ZDHHC17: variants seen among roughly 807,000 people sequenced by gnomAD.
ZDHHC17 encodes the protein zDHHC palmitoyltransferase 17.
Under a neutral mutation model 90.3 loss-of-function variants are expected in ZDHHC17, and 40 were observed. That is an observed-to-expected ratio of 0.44 (90% CI 0.34 to 0.58). The LOEUF is 0.58. ZDHHC17 is among the 20% of genes least tolerant of loss of function. The pLI is 0.01. For synonymous variants in ZDHHC17, 235 were observed against 252.4 expected, an observed-to-expected ratio of 0.93 and a Z score of 0.65; for missense variants, 614 against 780.8, an observed-to-expected ratio of 0.79 and a Z score of 2.55.
At chr12:76,780,537 C>A (rs569850449) in intron 1 of ZDHHC17, among the ~76,000 whole-genome samples, 1 of 152,158 alleles carries the variant, frequency 6.6e-6, no homozygotes, top group African/African-American at 2.4e-5. Context: ...TTCTGGCTAC[C>A]GCCCAACTTC....
intron 10 of ZDHHC17, among the ~76,000 whole-genome samples, chr12:76,832,639 G>A (rs1953317290): frequency 6.6e-6 from 1 of 152,172 alleles, no homozygotes; most frequent in Non-Finnish European, 1.5e-5. Flanking sequence ...CAGCACTATA[G>A]CTCATTCCTG....
At chr12:76,850,291 CTTTTT>C (rs945361566) in intron 16 of ZDHHC17, among the ~76,000 whole-genome samples, 11 of 152,054 alleles carry the variant, frequency 7.2e-5, no homozygotes, top group African/African-American at 1.7e-4. Flanking sequence ...CTTGACATTT[CTTTTT>C]TAAGTTGTTA....
chr12:76,764,477 G>C (rs1952406077), intron 1 of ZDHHC17, 148 bp downstream of exon 1: 1 of 725,006 alleles, frequency 1.4e-6, no homozygotes, highest in Admixed American at 2.9e-5. Flanking sequence ...GCCTGAGCGC[G>C]GCTGCGAGCG....
rs188708541 is a variant in ZDHHC17 at position 76,775,274 on chromosome 12, G to A, written c.93+10945G>A. ...ATCAAGAAAATCATCAAAACTTGTG[G>A]AATGTGTGTCAGTGGCTTGGAGAAG... On this transcript the variant is annotated intron_variant, in intron 1 of 16. Coordinates refer to ENST00000426126, the MANE Select transcript of ZDHHC17 (RefSeq NM_015336.4). Among the ~76,000 whole-genome samples the A allele has an allele frequency of 8.4e-3, 1,284 of 152,232 alleles. 24 individuals are homozygous for A. The highest frequency in any genetic ancestry group is 0.036 in the Admixed American group (553 of 15,298).
intron 6 of ZDHHC17, 41 bp from the exon 7 acceptor site, chr12:76,815,816 G>GGTT (rs777871968): frequency 1.0e-5 from 15 of 1,439,078 alleles, no homozygotes; most frequent in South Asian, 3.0e-5. Context: ...TTGAAATTAG[G>GGTT]GTTGTTGTTG....
At chr12:76,791,809 T>A (rs1952763018) in intron 1 of ZDHHC17, among the ~76,000 whole-genome samples, 1 of 152,240 alleles carries the variant, frequency 6.6e-6, no homozygotes, top group East Asian at 1.9e-4. Context: ...CATGACTCCC[T>A]CCTCAGATTT....
intron 5 of ZDHHC17, among the ~76,000 whole-genome samples, chr12:76,810,358 A>G (rs767290145): frequency 7.2e-5 from 11 of 152,134 alleles, no homozygotes; most frequent in Non-Finnish European, 1.5e-4. Flanking sequence ...TAATCACATT[A>G]AATATTACCA....
intron 13 of ZDHHC17, among the ~76,000 whole-genome samples, chr12:76,846,130 T>C (rs1356298179): frequency 6.6e-6 from 1 of 152,028 alleles, no homozygotes; most frequent in Admixed American, 6.6e-5. Flanking sequence ...GAATGACAGA[T>C]AAGAACAGTA....
intron 1 of ZDHHC17, among the ~76,000 whole-genome samples, chr12:76,772,837 G>A (rs11115316): frequency 0.011 from 1,676 of 151,452 alleles, 11 homozygotes; most frequent in Non-Finnish European, 0.017. Flanking sequence ...GAGCCACCGC[G>A]CCCGGCCTTA....
chr12:76,807,279 C>A (rs949295840), intron 3 of ZDHHC17, among the ~76,000 whole-genome samples: 20 of 152,298 alleles, frequency 1.3e-4, no homozygotes, highest in African/African-American at 4.8e-4. Flanking sequence ...TAACTACTGA[C>A]TTTCAGCGGG....
rs1330289503 is a variant in ZDHHC17 at position 76,764,216 on chromosome 12, G to A, written c.-21G>A. 2 of 1,567,138 alleles carry A rather than the reference G, an allele frequency of 1.3e-6. No individual in the cohort carries two copies. The highest frequency in any genetic ancestry group is 1.2e-5 in the South Asian group (1 of 85,172). ...CTCCGCCTCGCCCGAGCCCCGGGAG[G>A]GTGAAACGCTTTCTCCCAGCATGCA... On this transcript the variant is annotated 5_prime_UTR_variant, in exon 1 of 17. Coordinates refer to ENST00000426126, the MANE Select transcript of ZDHHC17 (RefSeq NM_015336.4).
chr12:76,805,768 C>A (rs754892730), intron 3 of ZDHHC17, among the ~76,000 whole-genome samples: 5 of 152,122 alleles, frequency 3.3e-5, no homozygotes, highest in Non-Finnish European at 7.3e-5. Context: ...TACCCAGTGA[C>A]CCACAGCTAA....
At position 76,853,548 on chromosome 12, in the gene ZDHHC17, T is replaced by G. The variant is rs1359474018; in HGVS notation, c.*2563T>G. ...TGTTTTTATTTTATATTTTCTTTAT[T>G]TATAACTGTGCCAAGTATTATTTTG... On this transcript the variant is annotated 3_prime_UTR_variant, in exon 17 of 17. Coordinates refer to ENST00000426126, the MANE Select transcript of ZDHHC17 (RefSeq NM_015336.4). 6.6e-6 allele frequency: 1 copy of G among 152,540 alleles called. No homozygotes were observed. The highest frequency in any genetic ancestry group is 1.9e-4 in the East Asian group (1 of 5,200). 9.4% of individuals were successfully genotyped at this position (152,540 alleles called of 1,614,324 possible).
In ZDHHC17 at chr12:76,846,663, T is replaced by G; in HGVS notation, c.1491T>G (p.Ile497Met). 2 of 1,610,102 alleles carry G rather than the reference T, an allele frequency of 1.2e-6. No homozygotes were observed. The highest frequency in any genetic ancestry group is 2.2e-5 in the South Asian group (2 of 90,458). The change falls in exon 14 of 17, where the codon ATT becomes ATG. Residue 497 changes from isoleucine to methionine, a missense_variant. Around this residue, in one of 5 missense-constraint regions of ZDHHC17, gnomAD observed 111 missense variants for 179.8 expected, o/e 0.62. Transcript: ENST00000426126. ...TGCTTTTTATGATCTGCTGGATGATTTATGGTTGTATATCTTGTGAGTACA... is the reference window on the plus strand; with the variant it reads ...TGCTTTTTATGATCTGCTGGATGATGTATGGTTGTATATCTTGTGAGTACA... ...FFLLFMICWM[I>M]YGCISYWGLH...
At chr12:76,809,944 T>C in intron 5 of ZDHHC17, 87 bp downstream of exon 5, 2 of 1,422,858 alleles carry the variant, frequency 1.4e-6, no homozygotes, top group Admixed American at 4.2e-5. Flanking sequence ...AACAAGCCGT[T>C]GATATTTAAA....
chr12:76,780,586 G>C (rs1565762563), intron 1 of ZDHHC17, among the ~76,000 whole-genome samples: 1 of 152,288 alleles, frequency 6.6e-6, no homozygotes, highest in South Asian at 2.1e-4. Context: ...TGTACTTGCT[G>C]TTCCCAGTTC....
At chr12:76,809,151 T>G (rs752340724) in intron 4 of ZDHHC17, 31 bp downstream of exon 4, 32 of 1,488,498 alleles carry the variant, frequency 2.1e-5, no homozygotes, top group Non-Finnish European at 2.9e-5. Flanking sequence ...TTTTTTCCTT[T>G]GGTTCCTTTA....
chr12:76,773,572 A>G (rs997684960), intron 1 of ZDHHC17, among the ~76,000 whole-genome samples: 4 of 152,202 alleles, frequency 2.6e-5, no homozygotes, highest in Non-Finnish European at 5.9e-5. Flanking sequence ...CAGATTAGGA[A>G]ACAGATTCAA....
intron 1 of ZDHHC17, among the ~76,000 whole-genome samples, chr12:76,786,344 C>T (rs890192515): frequency 1.3e-5 from 2 of 151,946 alleles, no homozygotes; most frequent in African/African-American, 4.8e-5. Flanking sequence ...TGCAGTGGCA[C>T]GATCTGGGTT....
Sources: gnomAD v4.1 joint callset for allele counts (sites outside exome capture counted in the v4.1 genomes callset) on GRCh38, gnomAD v4.1.1 for gene constraint, gnomAD v4.1.1 regional missense constraint, MANE v1.5 for transcripts, NCBI Gene and HGNC (gene_info 2026-07-23, HGNC 2026-07-21) for gene names.